The following GFRA1 variants were observed in gnomAD, a reference collection of about 807,000 sequenced individuals.
GFRA1 encodes the protein GDNF family receptor alpha 1, also known as GDNF family receptor alpha-1.
GFRA1 carries 16 observed loss-of-function variants against 51.6 expected under a neutral mutation model. The observed-to-expected ratio is 0.31, with a 90% CI of 0.21 to 0.47. The LOEUF (loss-of-function observed/expected upper bound fraction) is 0.47. GFRA1 is among the 20% of genes least tolerant of loss of function. The pLI is 1.00. For missense variants in GFRA1, 530 were observed against 594.3 expected, an observed-to-expected ratio of 0.89 and a Z score of 1.13; for synonymous variants, 270 against 241.3, an observed-to-expected ratio of 1.12 and a Z score of -1.10.
chr10:116,189,363 G>A (rs2134314525), intron 5 of GFRA1, among the ~76,000 whole-genome samples: 1 of 152,248 alleles, frequency 6.6e-6, no homozygotes, highest in African/African-American at 2.4e-5. Flanking sequence ...TACCCAAGGA[G>A]TAACGTCCCC....
intron 5 of GFRA1, among the ~76,000 whole-genome samples, chr10:116,150,761 A>C (rs1959028489): frequency 1.3e-5 from 2 of 152,220 alleles, no homozygotes; most frequent in African/African-American, 4.8e-5. Context: ...ATCCTAGAAA[A>C]TGTAGCATCC....
At chr10:116,112,786 T>G (rs1301442406) in intron 6 of GFRA1, among the ~76,000 whole-genome samples, 1 of 152,206 alleles carries the variant, frequency 6.6e-6, no homozygotes, top group East Asian at 1.9e-4. Flanking sequence ...TCCAAGGTTC[T>G]CTAATTACTC....
At chr10:116,152,533 G>A (rs1014286707) in intron 5 of GFRA1, among the ~76,000 whole-genome samples, 1 of 152,176 alleles carries the variant, frequency 6.6e-6, no homozygotes. Context: ...CATGTGTACT[G>A]AGTGACAACT....
Position 116,099,967 on chromosome 10 carries a change from TAGTG to T in GFRA1, c.771-3207_771-3204del, listed in dbSNP as rs1057423809. Among the ~76,000 whole-genome samples the T allele has an allele frequency of 3.3e-5, 5 of 152,210 alleles. No individual in the cohort carries two copies. The East Asian group carries it at 9.6e-4, about 29-fold the overall frequency. On this transcript the variant is annotated intron_variant, in intron 6 of 10. Transcript: ENST00000355422. ...TTCTGTAGTCAAGGAAACCAAGGCT[TAGTG>T]AGGTTAGACTAGAATAAAAGAGTCA... is the stretch of plus-strand genomic sequence containing the variant.
chr10:116,188,247 G>T (rs1962915235), intron 5 of GFRA1, among the ~76,000 whole-genome samples: 1 of 152,174 alleles, frequency 6.6e-6, no homozygotes, highest in Non-Finnish European at 1.5e-5. Context: ...GGTGCCCATG[G>T]GATCTGAGGG....
chr10:116,231,823 C>T (rs1436403195), intron 4 of GFRA1, among the ~76,000 whole-genome samples: 2 of 152,196 alleles, frequency 1.3e-5, no homozygotes, highest in African/African-American at 4.8e-5. Context: ...TGCACAACAC[C>T]TAAATCGACC....
At chr10:116,232,590 T>C (rs1192313946) in intron 4 of GFRA1, among the ~76,000 whole-genome samples, 1 of 152,158 alleles carries the variant, frequency 6.6e-6, no homozygotes, top group Non-Finnish European at 1.5e-5. Flanking sequence ...AAAAAGCTAT[T>C]ATGGAGTAAT....
At chr10:116,161,890 T>C (rs1959846024) in intron 5 of GFRA1, among the ~76,000 whole-genome samples, 1 of 152,238 alleles carries the variant, frequency 6.6e-6, no homozygotes, top group Non-Finnish European at 1.5e-5. Flanking sequence ...GAAAAAATTA[T>C]AGGCCAATGT....
intron 9 of GFRA1, among the ~76,000 whole-genome samples, chr10:116,087,380 A>G (rs1187378988): frequency 1.3e-5 from 2 of 152,206 alleles, no homozygotes; most frequent in African/African-American, 2.4e-5. Flanking sequence ...AATGATGACT[A>G]TTCTGAGATG....
intron 4 of GFRA1, among the ~76,000 whole-genome samples, chr10:116,235,400 G>C (rs1266321487): frequency 6.6e-6 from 1 of 151,950 alleles, no homozygotes; most frequent in Non-Finnish European, 1.5e-5. Context: ...AAACGGTATT[G>C]ACAATATCTG....
At chr10:116,178,303 G>GA (rs774943017) in intron 5 of GFRA1, among the ~76,000 whole-genome samples, 30 of 152,070 alleles carry the variant, frequency 2.0e-4, no homozygotes, top group African/African-American at 7.2e-4. Flanking sequence ...AGGGGCCGGG[G>GA]GGGCGTTTTA....
chr10:116,261,637 C>G (rs1969309729), intron 4 of GFRA1, among the ~76,000 whole-genome samples: 1 of 152,116 alleles, frequency 6.6e-6, no homozygotes, highest in Non-Finnish European at 1.5e-5. Flanking sequence ...ATAAATCATA[C>G]TTTATAAAGG....
chr10:116,064,104 ATCG>A lies in GFRA1; in HGVS notation c.*291_*293del, dbSNP rs1954975171. 9.5e-6 allele frequency: 3 copies of A among 316,884 alleles called. No individual in the cohort carries two copies. Among genetic ancestry groups the A allele is most frequent in the South Asian group, 6.3e-5 (2 of 31,684 alleles). 19.6% of individuals were successfully genotyped at this position (316,884 alleles called of 1,614,324 possible). On this transcript the variant is annotated 3_prime_UTR_variant, in exon 11 of 11. Transcript: ENST00000355422. ...GATCATCATCATGATCATCATCATC[ATCG>A]AAAACACAGCCCCAGTTTGCTTTAC...
chr10:116,065,704 AG>A, intron 9 of GFRA1, 78 bp from the exon 10 acceptor site: 1 of 1,088,068 alleles, frequency 9.2e-7, no homozygotes. Context: ...TCAGCTGTCT[AG>A]GGCAATGCTC....
chr10:116,201,152 T>C (rs2134388106), intron 5 of GFRA1, among the ~76,000 whole-genome samples: 1 of 152,252 alleles, frequency 6.6e-6, no homozygotes. Context: ...TTTTTCTTCT[T>C]AAGGAGGTGG....
intron 6 of GFRA1, among the ~76,000 whole-genome samples, chr10:116,113,225 T>C (rs980177544): frequency 1.3e-5 from 2 of 149,806 alleles, no homozygotes; most frequent in Non-Finnish European, 1.5e-5. Flanking sequence ...TTAATAAAAG[T>C]ATGTTCTGTT....
At chr10:116,190,156 A>G (rs1963120003) in intron 5 of GFRA1, among the ~76,000 whole-genome samples, 1 of 152,174 alleles carries the variant, frequency 6.6e-6, no homozygotes, top group African/African-American at 2.4e-5. Flanking sequence ...CATTCAACAC[A>G]TTGACTGTAC....
At chr10:116,273,709 GAC>G (rs141158777), upstream of GFRA1, among the ~76,000 whole-genome samples, 1 of 145,926 alleles carries the variant, frequency 6.9e-6, no homozygotes, top group Non-Finnish European at 1.5e-5. Flanking sequence ...CACACACACA[GAC>G]ACACACACAC....
chr10:116,121,904 TG>T (rs1957662364), intron 6 of GFRA1, among the ~76,000 whole-genome samples: 1 of 151,594 alleles, frequency 6.6e-6, no homozygotes, highest in Admixed American at 6.6e-5. Context: ...TGAGAAGGGA[TG>T]GGATAAAAGG....
Sources: allele counts gnomAD v4.1 joint callset (sites outside exome capture counted in the v4.1 genomes callset), GRCh38; gene constraint gnomAD v4.1.1; transcripts MANE v1.5; gene names NCBI Gene and HGNC (gene_info 2026-07-23, HGNC 2026-07-21).